ATG4B: variants seen among roughly 807,000 people sequenced by gnomAD.
The protein encoded by ATG4B is autophagy related 4B cysteine peptidase.
ATG4B carries 29 observed loss-of-function variants against 56.6 expected under a neutral mutation model. That is an observed-to-expected ratio of 0.51 (90% CI 0.38 to 0.70). The LOEUF (loss-of-function observed/expected upper bound fraction) is 0.70, where lower values mean the gene tolerates loss of function less well. ATG4B is among the 30% of genes least tolerant of loss of function. The probability of loss-of-function intolerance (pLI) is 0.00; values close to 1 mark genes in which losing one functional copy is unlikely to be tolerated. For synonymous variants in ATG4B, 224 were observed against 206.1 expected (o/e 1.09, Z -0.74); for missense variants, 461 against 515.5 (o/e 0.89, Z 1.02).
intron 7 of ATG4B, among the ~76,000 whole-genome samples, chr2:241,661,173 G>T (rs572294513): frequency 3.3e-5 from 5 of 152,248 alleles, no homozygotes; most frequent in Non-Finnish European, 5.9e-5. Context: ...CCGGGAGGAT[G>T]TGGAGGCTGC....
intron 7 of ATG4B, among the ~76,000 whole-genome samples, chr2:241,660,847 G>A (rs1175132391): frequency 6.6e-6 from 1 of 152,066 alleles, no homozygotes; most frequent in East Asian, 1.9e-4. Context: ...TTACCCCCTC[G>A]TTCCGCACGC....
intron 1 of ATG4B, among the ~76,000 whole-genome samples, chr2:241,639,559 A>G (rs1366089680): frequency 1.3e-5 from 2 of 152,214 alleles, no homozygotes; most frequent in African/African-American, 2.4e-5. Flanking sequence ...TCCAAGAAGA[A>G]TGAGACTACA....
intron 1 of ATG4B, among the ~76,000 whole-genome samples, chr2:241,642,898 T>TTTTTTTTTA (rs869121991): frequency 7.1e-6 from 1 of 140,908 alleles, no homozygotes; most frequent in Admixed American, 7.2e-5. Context: ...TTTTTTTTTT[T>TTTTTTTTTA]AAGACGGAGT....
At chr2:241,663,014 TC>T (rs961910137) in intron 7 of ATG4B, among the ~76,000 whole-genome samples, 6 of 152,076 alleles carry the variant, frequency 3.9e-5, no homozygotes, top group South Asian at 4.1e-4. Context: ...GGTGGGTAGA[TC>T]ACATGAGGTC....
intron 10 of ATG4B, 152 bp from the exon 11 acceptor site, chr2:241,670,574 T>A: frequency 1.3e-6 from 1 of 740,896 alleles, no homozygotes; most frequent in South Asian, 1.7e-5. Context: ...GGAGCTCCGT[T>A]CCTGGCCACA....
At chr2:241,667,944 T>G (rs2068830878) in intron 8 of ATG4B, 199 bp from the exon 9 acceptor site, 2 of 569,230 alleles carry the variant, frequency 3.5e-6, no homozygotes, top group Non-Finnish European at 6.2e-6. Flanking sequence ...GAGCTGAGCC[T>G]GCAGATTGGG....
At chr2:241,659,667 T>A (rs1358997099) in intron 7 of ATG4B, 4 of 283,162 alleles carry the variant, frequency 1.4e-5, no homozygotes, top group African/African-American at 2.2e-5. Context: ...AACATTTACA[T>A]CTAGGAGGAA....
intron 7 of ATG4B, among the ~76,000 whole-genome samples, chr2:241,660,353 C>T (rs941792290): frequency 4.6e-5 from 7 of 152,184 alleles, no homozygotes; most frequent in Non-Finnish European, 1.0e-4. Flanking sequence ...TCTGTTTCTT[C>T]ATCGTCTGGC....
At chr2:241,638,023 C>T (rs2067732943) in intron 1 of ATG4B, among the ~76,000 whole-genome samples, 1 of 151,584 alleles carries the variant, frequency 6.6e-6, no homozygotes, top group Non-Finnish European at 1.5e-5. Flanking sequence ...GCCCTTGCGC[C>T]AGGTCGGCCG....
At chr2:241,649,908 C>G (rs1361832387) in intron 1 of ATG4B, among the ~76,000 whole-genome samples, 1 of 151,920 alleles carries the variant, frequency 6.6e-6, no homozygotes, top group African/African-American at 2.4e-5. Flanking sequence ...CTCAGTCTCC[C>G]TAGTAGCTGG....
chr2:241,639,292 G>A (rs1484583391), intron 1 of ATG4B, among the ~76,000 whole-genome samples: 1 of 152,234 alleles, frequency 6.6e-6, no homozygotes, highest in Admixed American at 6.5e-5. Context: ...GAAGGTAGTG[G>A]CGCCCAAGCA....
chr2:241,654,733 G>A, intron 5 of ATG4B, 86 bp downstream of exon 5: 3 of 1,068,196 alleles, frequency 2.8e-6, no homozygotes, highest in Non-Finnish European at 4.2e-6. Context: ...CTTTTCTGGT[G>A]TCGTGGGATG....
chr2:241,648,319 A>G (rs537385002), intron 1 of ATG4B, among the ~76,000 whole-genome samples: 99 of 151,680 alleles, frequency 6.5e-4, no homozygotes, highest in Non-Finnish European at 1.2e-3. Context: ...CTTGGGGGCC[A>G]GGTGCAGTGG....
chr2:241,668,777 T>C lies in ATG4B; in HGVS notation c.957+92T>C, dbSNP rs143943477. The C allele has an allele frequency of 4.5e-5, 68 of 1,499,898 alleles. No individual in the cohort carries two copies. In the East Asian group the frequency reaches 1.7e-3, roughly 37 times the overall value. 92.9% of individuals were successfully genotyped at this position (1,499,898 alleles called of 1,614,324 possible). A position where few individuals can be genotyped will look rare whatever the true frequency, so the allele number is the denominator to read the frequency against. On this transcript the variant is annotated intron_variant, in intron 10 of 12. Transcript: ENST00000404914. This position sits in a 1 kb window ranked among gnomAD's most constrained non-coding sequence, Gnocchi z 4.2. ...ACTTTCGGATTTTTGCGTTTTTTTT[T>C]TCAGCATGTTGGGATAAGTACTGTG... is the stretch of plus-strand genomic sequence containing the variant.
intron 3 of ATG4B, among the ~76,000 whole-genome samples, chr2:241,652,385 G>A (rs909323566): frequency 2.6e-5 from 4 of 152,220 alleles, no homozygotes; most frequent in Admixed American, 6.5e-5. Context: ...GGACTGGAGC[G>A]AAGCCTTTCT....
At chr2:241,661,841 G>A (rs1328171844) in intron 7 of ATG4B, among the ~76,000 whole-genome samples, 3 of 151,980 alleles carry the variant, frequency 2.0e-5, no homozygotes, top group Non-Finnish European at 4.4e-5. Context: ...AACGTTGATG[G>A]GCTTAGACCT....
At chr2:241,652,951 TCCAC>T (rs1228035411) in intron 3 of ATG4B, among the ~76,000 whole-genome samples, 5 of 152,356 alleles carry the variant, frequency 3.3e-5, no homozygotes, top group African/African-American at 1.2e-4. Flanking sequence ...GCAGTGGCCT[TCCAC>T]TGGACCCCTG....
At chr2:241,662,695 A>C (rs2068625021) in intron 7 of ATG4B, among the ~76,000 whole-genome samples, 1 of 152,202 alleles carries the variant, frequency 6.6e-6, no homozygotes, top group Non-Finnish European at 1.5e-5. Flanking sequence ...GAAACTCACC[A>C]CCGGGAAGCC....
intron 5 of ATG4B, 28 bp from the exon 6 acceptor site, chr2:241,655,243 G>T (rs2068360609): frequency 1.9e-6 from 3 of 1,597,802 alleles, no homozygotes; most frequent in Admixed American, 3.5e-5. Flanking sequence ...GCGGGTGTGT[G>T]TTGCTAATGT....
Sources: gnomAD v4.1 joint callset for allele counts (sites outside exome capture counted in the v4.1 genomes callset) on GRCh38, gnomAD v4.1.1 for gene constraint, Gnocchi (gnomAD v3.1) non-coding constraint, MANE v1.5 for transcripts, NCBI Gene and HGNC (gene_info 2026-07-23, HGNC 2026-07-21) for gene names.